ZFAND3: variants seen among roughly 807,000 people sequenced by gnomAD.
ZFAND3 encodes the protein AN1-type zinc finger protein 3.
Under a neutral mutation model 29.6 loss-of-function variants are expected in ZFAND3, and 10 were observed. The observed-to-expected ratio is 0.34, with a 90% CI of 0.21 to 0.57. The LOEUF (loss-of-function observed/expected upper bound fraction) is 0.57, where lower values mean the gene tolerates loss of function less well. Among genes scored for constraint, ZFAND3 ranks in the 20% least tolerant of loss-of-function variants. The probability of loss-of-function intolerance (pLI) is 0.86; values close to 1 mark genes in which losing one functional copy is unlikely to be tolerated. For synonymous variants in ZFAND3, 128 were observed against 112.6 expected (o/e 1.14, Z -0.87); for missense variants, 230 against 304.5 (o/e 0.76, Z 1.82).
chr6:37,927,728 ACTTT>A (rs747235771), intron 1 of ZFAND3, among the ~76,000 whole-genome samples: 6 of 152,200 alleles, frequency 3.9e-5, no homozygotes, highest in Admixed American at 1.3e-4. Flanking sequence ...GAGAAGCTTT[ACTTT>A]CTCAGGGAAC....
intron 2 of ZFAND3, among the ~76,000 whole-genome samples, chr6:38,030,940 G>A (rs1403202529): frequency 6.6e-6 from 1 of 152,146 alleles, no homozygotes; most frequent in Non-Finnish European, 1.5e-5. Context: ...AAACCACAAT[G>A]GATGGCAGTA....
At chr6:37,972,110 G>T (rs1332222340) in intron 2 of ZFAND3, among the ~76,000 whole-genome samples, 1 of 152,146 alleles carries the variant, frequency 6.6e-6, no homozygotes, top group Non-Finnish European at 1.5e-5. Context: ...CTTCCTTTGG[G>T]TTAAACAGCC....
chr6:37,831,287 A>T (rs2103950), intron 1 of ZFAND3, among the ~76,000 whole-genome samples: 1 of 152,088 alleles, frequency 6.6e-6, no homozygotes, highest in African/African-American at 2.4e-5. Flanking sequence ...ATACAGAACT[A>T]TCTTACCTCA....
At chr6:37,969,076 AGCAT>A (rs2127427655) in intron 2 of ZFAND3, among the ~76,000 whole-genome samples, 1 of 152,208 alleles carries the variant, frequency 6.6e-6, no homozygotes, top group East Asian at 1.9e-4. Flanking sequence ...AAACCTGTGC[AGCAT>A]GTGACTGTAC....
chr6:38,049,961 T>TTTTATTTTTTA (rs1763991756), intron 2 of ZFAND3, among the ~76,000 whole-genome samples: 5 of 24,998 alleles, frequency 2.0e-4, no homozygotes, highest in Admixed American at 5.0e-4. Context: ...TTTTTTTTTT[T>TTTTATTTTTTA]TTTTTTTGGG....
intron 4 of ZFAND3, among the ~76,000 whole-genome samples, chr6:38,091,411 C>T (rs557603699): frequency 6.6e-6 from 1 of 151,142 alleles, no homozygotes; most frequent in African/African-American, 2.4e-5. Context: ...AATGCCTGAG[C>T]CAATACTATT....
intron 4 of ZFAND3, among the ~76,000 whole-genome samples, chr6:38,103,374 A>ACACT (rs200750608): frequency 8.2e-5 from 12 of 146,900 alleles, no homozygotes; most frequent in East Asian, 6.1e-4. Context: ...ATATACACAC[A>ACACT]ATATATATAT....
At chr6:38,086,427 A>G (rs1764758510) in intron 4 of ZFAND3, among the ~76,000 whole-genome samples, 1 of 152,202 alleles carries the variant, frequency 6.6e-6, no homozygotes, top group Non-Finnish European at 1.5e-5. Context: ...GCCAAGTCCT[A>G]GGTTGCTTTT....
At chr6:38,138,783 T>TGAGGAGATAAACTAACAGAGGTC (rs1765892727) in intron 5 of ZFAND3, among the ~76,000 whole-genome samples, 1 of 152,140 alleles carries the variant, frequency 6.6e-6, no homozygotes, top group Non-Finnish European at 1.5e-5. Context: ...GCAGAGAAGA[T>TGAGGAGATAAACTAACAGAGGTC]GAGGAGATAA....
intron 2 of ZFAND3, among the ~76,000 whole-genome samples, chr6:38,047,843 A>T (rs1338602017): frequency 6.6e-6 from 1 of 152,176 alleles, no homozygotes; most frequent in Admixed American, 6.5e-5. Flanking sequence ...CAAAACAAAT[A>T]AACCATTGTT....
intron 1 of ZFAND3, among the ~76,000 whole-genome samples, chr6:37,855,218 C>CA (rs1363992446): frequency 6.7e-6 from 1 of 150,166 alleles, no homozygotes; most frequent in Admixed American, 6.6e-5. Context: ...CGTCTCGTCT[C>CA]ACGGCAGCCT....
intron 1 of ZFAND3, among the ~76,000 whole-genome samples, chr6:37,902,270 G>A (rs1304208527): frequency 6.6e-6 from 1 of 151,996 alleles, no homozygotes; most frequent in African/African-American, 2.4e-5. Context: ...GCAACATGGT[G>A]AAACAAAAAA....
intron 2 of ZFAND3, among the ~76,000 whole-genome samples, chr6:38,010,999 G>A (rs9394469): frequency 0.3 from 45,478 of 150,466 alleles, 7,403 homozygotes; most frequent in East Asian, 0.57. Context: ...GCACCTCAGC[G>A]TCTCAAGTAG....
intron 1 of ZFAND3, among the ~76,000 whole-genome samples, chr6:37,897,631 T>TC (rs1368907738): frequency 6.6e-6 from 1 of 152,228 alleles, no homozygotes; most frequent in African/African-American, 2.4e-5. Flanking sequence ...ATTTCAGTGT[T>TC]CCACACCTTT....
At chr6:37,994,356 T>G (rs1272136147) in intron 2 of ZFAND3, among the ~76,000 whole-genome samples, 1 of 152,198 alleles carries the variant, frequency 6.6e-6, no homozygotes, top group African/African-American at 2.4e-5. Context: ...GCAGACCACC[T>G]GGTGTCTGCC....
At chr6:38,121,049 C>A (rs1435257839) in intron 5 of ZFAND3, among the ~76,000 whole-genome samples, 2 of 152,186 alleles carry the variant, frequency 1.3e-5, no homozygotes, top group African/African-American at 4.8e-5. Flanking sequence ...CAGTCTAAAT[C>A]TGTGGCTTCA....
rs111917055 is a variant in ZFAND3, at chr6:38,067,146, C to T, written c.295+5371C>T. Among the ~76,000 whole-genome samples the T allele has an allele frequency of 7.0e-4, 107 of 152,278 alleles. 1 individual carries two copies. The highest frequency in any genetic ancestry group is 1.1e-3 in the Admixed American group (17 of 15,310). On this transcript the variant is annotated intron_variant, in intron 3 of 5. Coordinates refer to ENST00000287218, the MANE Select transcript of ZFAND3 (RefSeq NM_021943.3). ...CATCCCTCATTATACACAGGGGATT[C>T]GGCGCATACTCAAGTCTCACAGTCA...
chr6:38,026,850 C>T (rs1167906602), intron 2 of ZFAND3, among the ~76,000 whole-genome samples: 1 of 151,994 alleles, frequency 6.6e-6, no homozygotes, highest in African/African-American at 2.4e-5. Flanking sequence ...AGGTTTGGGA[C>T]ACTATTTGGG....
chr6:37,894,107 T>G (rs996451211), intron 1 of ZFAND3, among the ~76,000 whole-genome samples: 1 of 151,718 alleles, frequency 6.6e-6, no homozygotes, highest in Non-Finnish European at 1.5e-5. Context: ...TACAGAAAAT[T>G]AGCTGGGCGT....
Sources: allele counts gnomAD v4.1 joint callset (sites outside exome capture counted in the v4.1 genomes callset), GRCh38; gene constraint gnomAD v4.1.1; transcripts MANE v1.5; gene names NCBI Gene and HGNC (gene_info 2026-07-23, HGNC 2026-07-21).